ZSCAN22: variants seen among roughly 807,000 people sequenced by gnomAD.
ZSCAN22 encodes zinc finger and SCAN domain-containing protein 22.
In ZSCAN22, 7 loss-of-function variants were observed where a neutral mutation model predicts 12.4. The ratio of observed to expected loss-of-function variants is 0.57; its 90% CI spans 0.32 to 1.06. ZSCAN22 has a LOEUF of 1.06. Among genes scored for constraint, ZSCAN22 ranks in the 50% least tolerant of loss-of-function variants. The pLI is 0.04. For synonymous variants in ZSCAN22, 243 were observed against 255.9 expected, an observed-to-expected ratio of 0.95 and a Z score of 0.48; for missense variants, 576 against 631.7, an observed-to-expected ratio of 0.91 and a Z score of 0.94.
At position 58,334,926 on chromosome 19, in the gene ZSCAN22, A is replaced by G; in HGVS notation, c.124A>G (p.Ile42Val). The change falls in exon 2 of 3, where the codon ATT (isoleucine) becomes GTT (valine). Residue 42 changes from isoleucine to valine, a missense_variant. Ile to Val is a conservative substitution (Grantham distance 29). Coordinates refer to ENST00000329665, the MANE Select transcript of ZSCAN22 (RefSeq NM_181846.3). The part of the protein sequence containing the change: ...SQGGESSHDH[I>V]AHSEAARLRF... The stretch of plus-strand genomic sequence containing the variant: ...GGGCGGAGAATCCAGCCATGACCAC[A>G]TTGCTCACTCTGAGGCTGCACGCCT... The G allele has an allele frequency of 6.2e-7, 1 of 1,614,124 alleles. No individual in the cohort carries two copies. The highest frequency in any genetic ancestry group is 8.5e-7 in the Non-Finnish European group (1 of 1,180,038).
At position 58,339,061 on chromosome 19, in the gene ZSCAN22, G is replaced by C. The variant is rs746249685; in HGVS notation, c.1211G>C (p.Gly404Ala). ...ACTCAACACCAGCGCATCCACACCGGGGAGAAGCCCTACAAGTGTGACGCG... is the reference window on the plus strand; with the variant it reads ...ACTCAACACCAGCGCATCCACACCGCGGAGAAGCCCTACAAGTGTGACGCG... ...HLTQHQRIHT[G>A]EKPYKCDACG... Residue 404 changes from glycine to alanine, a missense_variant, in exon 3 of 3, where the codon GGG (glycine) becomes GCG (alanine). By Grantham distance (60) the Gly-to-Ala change is moderately conservative. Coordinates refer to ENST00000329665, the MANE Select transcript of ZSCAN22 (RefSeq NM_181846.3). The surrounding 1 kb of genome is among the most constrained non-coding windows in gnomAD (Gnocchi z 5.6). 1 of 1,614,202 alleles carries C rather than the reference G, an allele frequency of 6.2e-7. No individual in the cohort carries two copies. Among genetic ancestry groups the C allele is most frequent in the South Asian group, 1.1e-5 (1 of 91,068 alleles).
intron 1 of ZSCAN22, among the ~76,000 whole-genome samples, chr19:58,333,011 T>C (rs2051745363): frequency 6.6e-6 from 1 of 152,258 alleles, no homozygotes; most frequent in Admixed American, 6.5e-5. Flanking sequence ...GCTATCTCAT[T>C]GTGGTTTTCA....
chr19:58,336,635 T>A (rs1307348151), intron 2 of ZSCAN22, among the ~76,000 whole-genome samples: 1 of 152,176 alleles, frequency 6.6e-6, no homozygotes, highest in Non-Finnish European at 1.5e-5. Context: ...ACTAGCTAAC[T>A]GTGATCCTGT....
At chr19:58,336,423 G>C (rs2051798205) in intron 2 of ZSCAN22, among the ~76,000 whole-genome samples, 1 of 152,118 alleles carries the variant, frequency 6.6e-6, no homozygotes. Flanking sequence ...CTCAGAGAAA[G>C]GGTAAAATGC....
intron 1 of ZSCAN22, among the ~76,000 whole-genome samples, chr19:58,330,869 A>T (rs1381881390): frequency 6.6e-6 from 1 of 152,220 alleles, no homozygotes; most frequent in African/African-American, 2.4e-5. Flanking sequence ...TGAGCCCAGC[A>T]CCCATGCCTT....
intron 1 of ZSCAN22, among the ~76,000 whole-genome samples, chr19:58,331,943 G>A (rs191212048): frequency 7.1e-4 from 108 of 151,848 alleles, no homozygotes; most frequent in Admixed American, 1.8e-3. Flanking sequence ...GCAGAATCTC[G>A]GCTTACTGCA....
chr19:58,332,343 G>A (rs563673479), intron 1 of ZSCAN22, among the ~76,000 whole-genome samples: 6 of 131,044 alleles, frequency 4.6e-5, no homozygotes, highest in East Asian at 2.3e-4. Context: ...GTGTACTCTC[G>A]GCTCACTGCA....
rs183053464 is a variant in ZSCAN22, at chr19:58,339,684, G to A, written c.*358G>A. ...CTCTCAGAACTCAGCGTCCCAAGAC[G>A]CTCTGGGCGGGCCAACTGTAGCTTG... On this transcript the variant is annotated 3_prime_UTR_variant, in exon 3 of 3. Transcript: ENST00000329665. The surrounding 1 kb of genome is among the most constrained non-coding windows in gnomAD (Gnocchi z 5.6). 4.1e-4 allele frequency: 89 copies of A among 218,316 alleles called. No individual in the cohort carries two copies. The highest frequency in any genetic ancestry group is 3.6e-4 in the Admixed American group (7 of 19,674). The allele number at this position is 218,316 out of a possible 1,614,324, so 13.5% of individuals were successfully genotyped here.
In ZSCAN22 at chr19:58,339,581, A is replaced by C. The variant is rs1455960941; in HGVS notation, c.*255A>C. On this transcript the variant is annotated 3_prime_UTR_variant, in exon 3 of 3. Transcript: ENST00000329665. The surrounding 1 kb of genome is among the most constrained non-coding windows in gnomAD (Gnocchi z 5.6). ...CACTGCTACCCTCTATTTCCCACTC[A>C]GGGCTGTCCCAGAGAGAAGGCAGCC... 2.2e-5 allele frequency: 10 copies of C among 447,584 alleles called. No homozygotes were observed. Among genetic ancestry groups the C allele is most frequent in the Non-Finnish European group, 4.0e-5 (10 of 252,160 alleles). 27.7% of individuals were successfully genotyped at this position (447,584 alleles called of 1,614,324 possible).
Position 58,339,209 on chromosome 19 carries a change from G to A in ZSCAN22, c.1359G>A (p.Glu453=). 6.2e-7 allele frequency: 1 copy of A among 1,614,148 alleles called. No homozygotes were observed. The highest frequency in any genetic ancestry group is 8.5e-7 in the Non-Finnish European group (1 of 1,180,036). ...KAFAQSSSLI[E]HQRIHTGEKP... is the part of the protein sequence containing the mutation. ...TTGCACAGAGCTCCTCCCTCATTGA[G>A]CACCAGAGGATCCACACGGGAGAGA... Residue 453 remains glutamate (E), a synonymous_variant, in exon 3 of 3, where the codon GAG becomes GAA. Transcript: ENST00000329665. This position sits in a 1 kb window ranked among gnomAD's most constrained non-coding sequence, Gnocchi z 5.6.
chr19:58,335,213 G>A lies in ZSCAN22; in HGVS notation c.403+8G>A, dbSNP rs1427912785. ...AGGTGCTGGACAAGAGAGGTAAAGG[G>A]GCGCCGTGGGCAGCTTCACGGCACA... On this transcript the variant is annotated splice_region_variant and intron_variant, in intron 2 of 2. Coordinates refer to ENST00000329665, the MANE Select transcript of ZSCAN22 (RefSeq NM_181846.3). The surrounding 1 kb of genome is among the most constrained non-coding windows in gnomAD (Gnocchi z 4.1). The A allele has an allele frequency of 6.4e-7, 1 of 1,563,808 alleles. No individual in the cohort carries two copies. The highest frequency in any genetic ancestry group is 8.7e-7 in the Non-Finnish European group (1 of 1,153,924).
In ZSCAN22 at chr19:58,327,450, G is replaced by A. The variant is rs558161123; in HGVS notation, c.-52+336G>A. Among the ~76,000 whole-genome samples the A allele has an allele frequency of 3.3e-5, 5 of 152,334 alleles. No individual in the cohort carries two copies. The South Asian group carries it at 1.0e-3, about 32-fold the overall frequency. ...AATGTGTCGGACTGACGGAGTGTGT[G>A]TCGGATGGACTGATTGACCGGGTGT... On this transcript the variant is annotated intron_variant, in intron 1 of 2. Coordinates refer to ENST00000329665, the MANE Select transcript of ZSCAN22 (RefSeq NM_181846.3).
At chr19:58,337,095 G>A (rs2051807033) in intron 2 of ZSCAN22, among the ~76,000 whole-genome samples, 1 of 152,220 alleles carries the variant, frequency 6.6e-6, no homozygotes, top group South Asian at 2.1e-4. Context: ...GAGCACCTCC[G>A]CCACACTCTG....
Position 58,339,094 on chromosome 19 carries a change from G to A in ZSCAN22, c.1244G>A (p.Arg415Gln), listed in dbSNP as rs1265345677. ...CCCTACAAGTGTGACGCGTGTGGCCGAGCCTTCAGCGACTGCTCAGCCCTG... is the reference window on the plus strand; with the variant it reads ...CCCTACAAGTGTGACGCGTGTGGCCAAGCCTTCAGCGACTGCTCAGCCCTG... ...EKPYKCDACGRAFSDCSALIR... is the reference protein window; with the variant it reads ...EKPYKCDACGQAFSDCSALIR... Residue 415 changes from arginine to glutamine, a missense_variant, in exon 3 of 3, where the codon CGA becomes CAA. Transcript: ENST00000329665. The surrounding 1 kb of genome is among the most constrained non-coding windows in gnomAD (Gnocchi z 5.6). The A allele has an allele frequency of 1.7e-5, 27 of 1,614,060 alleles. 1 individual carries two copies. The highest frequency in any genetic ancestry group is 3.3e-4 in the Middle Eastern group (2 of 6,082).
rs1568545936 is a variant in ZSCAN22 at position 58,338,419 on chromosome 19, CA to C, written c.570del (p.Glu192ArgfsTer148). 6.2e-7 allele frequency: 1 copy of C among 1,614,166 alleles called. No homozygotes were observed. Among genetic ancestry groups the C allele is most frequent in the Non-Finnish European group, 8.5e-7 (1 of 1,180,022 alleles). ...PEGSSERSGLSGEIWTKSVTQ... is the reference protein window; with the variant it reads ...PEGSSERSGLXGEIWTKSVTQ... ...GGCAGCTCAGAGAGGTCTGGACTATCAGGGGAGATCTGGACAAAGTCTGTCA... is the reference window on the plus strand; with the variant it reads ...GGCAGCTCAGAGAGGTCTGGACTATCGGGGAGATCTGGACAAAGTCTGTCA... On this transcript the variant is annotated frameshift_variant, in exon 3 of 3. Transcript: ENST00000329665. LOFTEE classifies it low-confidence loss of function (END_TRUNC). This position sits in a 1 kb window ranked among gnomAD's most constrained non-coding sequence, Gnocchi z 5.4.
At chr19:58,337,401 A>G (rs2051811872) in intron 2 of ZSCAN22, among the ~76,000 whole-genome samples, 1 of 149,230 alleles carries the variant, frequency 6.7e-6, no homozygotes, top group Non-Finnish European at 1.5e-5. Flanking sequence ...CAGAACTCCA[A>G]CCCCACAGAG....
Position 58,338,833 on chromosome 19 carries a change from A to G in ZSCAN22, c.983A>G (p.Glu328Gly). The G allele has an allele frequency of 6.2e-7, 1 of 1,613,622 alleles. No homozygotes were observed. The highest frequency in any genetic ancestry group is 8.5e-7 in the Non-Finnish European group (1 of 1,179,780). Residue 328 changes from glutamate (E) to glycine (G), a missense_variant, in exon 3 of 3, where the codon GAA becomes GGA. Coordinates refer to ENST00000329665, the MANE Select transcript of ZSCAN22 (RefSeq NM_181846.3). This position sits in a 1 kb window ranked among gnomAD's most constrained non-coding sequence, Gnocchi z 5.4. ...GGGGCGAAGCCCCATGAGTGTAAGG[A>G]ATGTGGGAAGGCCTTCAGCCGAGTC... Reference protein sequence around the residue: ...HTGAKPHECKECGKAFSRVTH... With the variant: ...HTGAKPHECKGCGKAFSRVTH...
At chr19:58,327,140 CTGAT>C (rs2051660939) in intron 1 of ZSCAN22, 26 bp downstream of exon 1, 1 of 152,624 alleles carries the variant, frequency 6.6e-6, no homozygotes, top group Non-Finnish European at 1.5e-5. Context: ...GTTCTCCGTC[CTGAT>C]CCAGGCTGGA....
In ZSCAN22 at chr19:58,338,766, A is replaced by T. The variant is rs1426268747; in HGVS notation, c.916A>T (p.Ser306Cys). 2 of 1,614,100 alleles carry T rather than the reference A, an allele frequency of 1.2e-6. No individual in the cohort carries two copies. Among genetic ancestry groups the T allele is most frequent in the East Asian group, 2.2e-5 (1 of 44,892 alleles). Residue 306 changes from serine to cysteine, a missense_variant, in exon 3 of 3, where the codon AGC becomes TGC. Coordinates refer to ENST00000329665, the MANE Select transcript of ZSCAN22 (RefSeq NM_181846.3). This position sits in a 1 kb window ranked among gnomAD's most constrained non-coding sequence, Gnocchi z 5.4. ...YACSECGKAF[S>C]RSTHLAQHQV... ...CTGCAGCGAGTGTGGGAAAGCCTTCAGCCGGAGCACTCACCTCGCCCAGCA... is the reference window on the plus strand; with the variant it reads ...CTGCAGCGAGTGTGGGAAAGCCTTCTGCCGGAGCACTCACCTCGCCCAGCA...
Sources: gnomAD v4.1 joint callset for allele counts (sites outside exome capture counted in the v4.1 genomes callset) on GRCh38, gnomAD v4.1.1 for gene constraint, Gnocchi (gnomAD v3.1) non-coding constraint, MANE v1.5 for transcripts, NCBI Gene and HGNC (gene_info 2026-07-23, HGNC 2026-07-21) for gene names.